Variants in CATSPERB observed in about 807,000 individuals in gnomAD.
CATSPERB encodes the protein catsper channel auxiliary subunit beta.
CATSPERB carries 93 observed loss-of-function variants against 128.3 expected under a neutral mutation model. That is an observed-to-expected ratio of 0.72 (90% CI 0.61 to 0.86). The LOEUF is 0.86. Ranked by LOEUF, CATSPERB falls within the 40% of genes least tolerant of loss-of-function variation. The pLI is 0.00. For missense variants in CATSPERB, 1,153 were observed against 1,329.5 expected (o/e 0.87, Z 2.06); for synonymous variants, 381 against 448.8 (o/e 0.85, Z 1.91).
chr14:91,621,531 G>T, intron 19 of CATSPERB, 77 bp downstream of exon 19: 1 of 1,158,712 alleles, frequency 8.6e-7, no homozygotes. Context: ...AAGTCAGTCA[G>T]TATCAAAGAG....
intron 17 of CATSPERB, 40 bp downstream of exon 17, chr14:91,636,385 T>C: frequency 6.3e-7 from 1 of 1,591,170 alleles, no homozygotes; most frequent in Non-Finnish European, 8.6e-7. Context: ...AAGTAGATTC[T>C]AGAAACCAAT....
chr14:91,659,185 TAAAG>T (rs1894834263), intron 15 of CATSPERB, among the ~76,000 whole-genome samples: 1 of 152,138 alleles, frequency 6.6e-6, no homozygotes, highest in Non-Finnish European at 1.5e-5. Context: ...ATTCCCAACA[TAAAG>T]AAATGATAAA....
rs1179256431 is a variant in CATSPERB, at chr14:91,697,939, A to G, written c.617-4460T>C. On this transcript the variant is annotated intron_variant, in intron 7 of 26. Coordinates refer to ENST00000256343, the MANE Select transcript of CATSPERB (RefSeq NM_024764.4). ...AAATAACATTGGTAGCTTGATAGGA[A>G]TAGTATTGAATCTGTAGATTGCTTG... 1.2e-4 allele frequency among the ~76,000 whole-genome samples: 19 copies of G among 152,164 alleles called. 1 individual carries two copies. Among genetic ancestry groups the G allele is most frequent in the Admixed American group, 1.2e-3 (19 of 15,280 alleles).
intron 12 of CATSPERB, among the ~76,000 whole-genome samples, chr14:91,673,608 G>A (rs2139832408): frequency 6.6e-6 from 1 of 152,284 alleles, no homozygotes; most frequent in Middle Eastern, 3.4e-3. Context: ...TAATGTGGCT[G>A]GGTTTGGTGC....
rs148320091 is a variant in CATSPERB at position 91,666,954 on chromosome 14, T to C, written c.1287+2860A>G. Among the ~76,000 whole-genome samples the C allele has an allele frequency of 5.0e-3, 762 of 152,302 alleles. 7 individuals carry two copies. The highest frequency in any genetic ancestry group is 0.016 in the African/African-American group (680 of 41,556). ...GCTAATCCTGACCTTAACCTATATA[T>C]TGATGGAAGTTCATTTGTGGAGAAT... On this transcript the variant is annotated intron_variant, in intron 14 of 26. Transcript: ENST00000256343.
At chr14:91,585,010 T>TTCTTC (rs1566692637) in intron 26 of CATSPERB, among the ~76,000 whole-genome samples, 12 of 116,066 alleles carry the variant, frequency 1.0e-4, no homozygotes, top group African/African-American at 3.2e-4. Context: ...TCTTCTTCTT[T>TTCTTC]TTATTTTTAT....
At position 91,698,803 on chromosome 14, in the gene CATSPERB, C is replaced by A. The variant is rs117062283; in HGVS notation, c.617-5324G>T. On this transcript the variant is annotated intron_variant, in intron 7 of 26. Transcript: ENST00000256343. The stretch of plus-strand genomic sequence containing the variant: ...CTGAGATTTTAGTGCAGCCATCACC[C>A]AAGTAGTGTACATTGTACCTAATGT... Among the ~76,000 whole-genome samples the A allele has an allele frequency of 2.0e-5, 3 of 152,258 alleles. No homozygotes were observed. The East Asian group carries it at 5.8e-4, about 29-fold the overall frequency.
At chr14:91,610,334 C>T in intron 21 of CATSPERB, 146 bp downstream of exon 21, 3 of 635,470 alleles carry the variant, frequency 4.7e-6, no homozygotes, top group Non-Finnish European at 8.0e-6. Flanking sequence ...TCATCACATC[C>T]TCAAAATGAC....
At chr14:91,667,977 C>T (rs9972222) in intron 14 of CATSPERB, among the ~76,000 whole-genome samples, 58,759 of 151,922 alleles carry the variant, frequency 0.39, 11,531 homozygotes, top group Middle Eastern at 0.5. Flanking sequence ...ACAAATGGAA[C>T]CCCAAATGAG....
At chr14:91,640,040 C>T (rs916487754) in intron 15 of CATSPERB, among the ~76,000 whole-genome samples, 1 of 152,104 alleles carries the variant, frequency 6.6e-6, no homozygotes, top group Non-Finnish European at 1.5e-5. Context: ...ATCTAGTGCT[C>T]TTCCCTGAAG....
chr14:91,612,213 C>T (rs1226500861), intron 20 of CATSPERB, among the ~76,000 whole-genome samples: 2 of 152,032 alleles, frequency 1.3e-5, no homozygotes, highest in Admixed American at 6.6e-5. Context: ...ATGTGTGCCA[C>T]CACACCTAGC....
chr14:91,615,318 T>A (rs950506299), intron 20 of CATSPERB, among the ~76,000 whole-genome samples: 11 of 152,226 alleles, frequency 7.2e-5, no homozygotes, highest in Non-Finnish European at 1.2e-4. Context: ...GAGAATCTAA[T>A]GCCTGATGAT....
chr14:91,680,669 C>T (rs12888514), intron 11 of CATSPERB, among the ~76,000 whole-genome samples: 41,668 of 151,572 alleles, frequency 0.27, 6,332 homozygotes, highest in East Asian at 0.53. Context: ...GCATGACAGA[C>T]CTGGGAAAGG....
At position 91,725,125 on chromosome 14, in the gene CATSPERB, AG is replaced by A. The variant is rs756293394; in HGVS notation, c.122del (p.Pro41LeufsTer6). 6.3e-7 allele frequency: 1 copy of A among 1,582,572 alleles called. No individual in the cohort carries two copies. The highest frequency in any genetic ancestry group is 1.2e-5 in the South Asian group (1 of 84,302). On this transcript the variant is annotated frameshift_variant, in exon 3 of 27. Coordinates refer to ENST00000256343, the MANE Select transcript of CATSPERB (RefSeq NM_024764.4). LOFTEE classifies it high-confidence loss of function. Reference sequence around the variant, plus strand: ...ACAACTTGATTATTTCATTCTCTTGAGGGAACCCTTTGTTAGAACATGCAAA... The same window carrying A: ...ACAACTTGATTATTTCATTCTCTTGAGGAACCCTTTGTTAGAACATGCAAA... The part of the protein sequence containing the change: ...KRFACSNKGF[P>X]QENEIIKLYL...
At chr14:91,657,796 T>C (rs1322463504) in intron 15 of CATSPERB, among the ~76,000 whole-genome samples, 1 of 152,034 alleles carries the variant, frequency 6.6e-6, no homozygotes, top group East Asian at 1.9e-4. Context: ...ATCGGTGAAA[T>C]ACAAATCAAA....
intron 22 of CATSPERB, among the ~76,000 whole-genome samples, chr14:91,601,665 A>T (rs1439682561): frequency 3.3e-5 from 5 of 151,896 alleles, no homozygotes; most frequent in South Asian, 2.1e-4. Context: ...GGAAAAATAA[A>T]TTTTTTTTGG....
At chr14:91,636,616 A>G (rs1566713556) in intron 16 of CATSPERB, 37 bp from the exon 17 acceptor site, 1 of 1,519,576 alleles carries the variant, frequency 6.6e-7, no homozygotes, top group Non-Finnish European at 8.9e-7. Context: ...TATTTAAACT[A>G]CTTTATACTT....
chr14:91,693,098 G>T, intron 9 of CATSPERB, 28 bp downstream of exon 9: 2 of 1,346,548 alleles, frequency 1.5e-6, no homozygotes, highest in Non-Finnish European at 2.1e-6. Flanking sequence ...TTTAAGATTA[G>T]CTATTAGTTA....
At chr14:91,624,470 C>T (rs1447635128) in intron 18 of CATSPERB, among the ~76,000 whole-genome samples, 4 of 152,006 alleles carry the variant, frequency 2.6e-5, no homozygotes, top group Admixed American at 2.0e-4. Flanking sequence ...GGTGACAGTG[C>T]GAGACTCCAA....
Sources: gnomAD v4.1 joint callset for allele counts (sites outside exome capture counted in the v4.1 genomes callset) on GRCh38, gnomAD v4.1.1 for gene constraint, MANE v1.5 for transcripts, NCBI Gene and HGNC (gene_info 2026-07-23, HGNC 2026-07-21) for gene names.